The following SMIM35 variants were observed in gnomAD, a reference collection of about 807,000 sequenced individuals.
The protein encoded by SMIM35 is small integral membrane protein 35.
At position 118,013,774 on chromosome 11, in the gene SMIM35, C is replaced by T. The variant is rs941513851; in HGVS notation, c.*7G>A. 2 of 399,072 alleles carry T rather than the reference C, an allele frequency of 5.0e-6. No individual in the cohort carries two copies. Among genetic ancestry groups the T allele is most frequent in the African/African-American group, 4.1e-5 (2 of 48,624 alleles). The allele number at this position is 399,072 out of a possible 1,614,324, so 24.7% of individuals were successfully genotyped here. A position where few individuals can be genotyped will look rare whatever the true frequency, so the allele number is the denominator to read the frequency against. The stretch of plus-strand genomic sequence containing the variant: ...TCCCCAGGGCTTCACAAGTTGCTGT[C>T]TCTGCATCAGACTAGCCCGTTGGAG... On this transcript the variant is annotated 3_prime_UTR_variant, in exon 4 of 5. Coordinates refer to ENST00000689828, the MANE Select transcript of SMIM35 (RefSeq NM_001394165.1).
chr11:118,010,613 ATGGT>A (rs561636844), intron 4 of SMIM35, among the ~76,000 whole-genome samples: 23 of 152,358 alleles, frequency 1.5e-4, no homozygotes, highest in Non-Finnish European at 3.1e-4. Flanking sequence ...TCAGATCAAA[ATGGT>A]TGGTGTCAAG....
chr11:118,013,725 C>T (rs1762089715), intron 4 of SMIM35, 23 bp downstream of exon 4: 1 of 398,864 alleles, frequency 2.5e-6, no homozygotes, highest in Admixed American at 4.4e-5. Flanking sequence ...GCTCACTCGG[C>T]AGCTCTCCCA....
intron 1 of SMIM35, among the ~76,000 whole-genome samples, chr11:118,034,765 G>T (rs561725587): frequency 4.6e-5 from 7 of 152,276 alleles, no homozygotes; most frequent in African/African-American, 1.4e-4. Context: ...GGAAATGGCT[G>T]CTTTCTATAT....
At chr11:118,008,591 T>G (rs1326527970) in intron 4 of SMIM35, among the ~76,000 whole-genome samples, 1 of 152,252 alleles carries the variant, frequency 6.6e-6, no homozygotes, top group Non-Finnish European at 1.5e-5. Flanking sequence ...GTCATCTGTG[T>G]GCTCTCTCTC....
intron 1 of SMIM35, among the ~76,000 whole-genome samples, chr11:118,056,044 G>A (rs1436975572): frequency 6.6e-6 from 1 of 152,076 alleles, no homozygotes; most frequent in Non-Finnish European, 1.5e-5. Flanking sequence ...CTAGGCTGAA[G>A]GTGGACAGGT....
At chr11:118,081,896 G>T (rs1291529221) in intron 1 of SMIM35, among the ~76,000 whole-genome samples, 1 of 152,174 alleles carries the variant, frequency 6.6e-6, no homozygotes, top group East Asian at 1.9e-4. Flanking sequence ...AGGAGCAGGG[G>T]AGACTGCTTT....
At chr11:118,026,079 C>T (rs746566119) in intron 1 of SMIM35, among the ~76,000 whole-genome samples, 1 of 152,104 alleles carries the variant, frequency 6.6e-6, no homozygotes, top group Non-Finnish European at 1.5e-5. Context: ...TTATTGTAGC[C>T]TTTGTCAAAG....
At chr11:118,026,777 G>A (rs1464155997) in intron 1 of SMIM35, among the ~76,000 whole-genome samples, 1 of 152,020 alleles carries the variant, frequency 6.6e-6, no homozygotes, top group Non-Finnish European at 1.5e-5. Flanking sequence ...AGACCAGCCT[G>A]AGCAACACAG....
chr11:118,067,903 A>ATATATATG (rs1555076698), intron 1 of SMIM35, among the ~76,000 whole-genome samples: 1 of 116,778 alleles, frequency 8.6e-6, no homozygotes, highest in Non-Finnish European at 1.8e-5. Flanking sequence ...ATATATATAT[A>ATATATATG]TATGAAAAGT....
In SMIM35 at chr11:118,005,316, C is replaced by T. The variant is rs1212298458; in HGVS notation, c.*1094G>A. 1.3e-5 allele frequency: 2 copies of T among 152,188 alleles called. No individual in the cohort carries two copies. The highest frequency in any genetic ancestry group is 2.1e-4 in the South Asian group (1 of 4,832). 9.4% of individuals were successfully genotyped at this position (152,188 alleles called of 1,614,324 possible). A position where few individuals can be genotyped will look rare whatever the true frequency, so the allele number is the denominator to read the frequency against. Reference sequence around the variant, plus strand: ...CACACTGAGTCACCTCTTTAAGGAACAACTTGTTGATTCGCTGCTTGTTCT... The same window carrying T: ...CACACTGAGTCACCTCTTTAAGGAATAACTTGTTGATTCGCTGCTTGTTCT... On this transcript the variant is annotated 3_prime_UTR_variant, in exon 5 of 5. Coordinates refer to ENST00000689828, the MANE Select transcript of SMIM35 (RefSeq NM_001394165.1).
chr11:118,048,469 C>T (rs1397456425), intron 1 of SMIM35, among the ~76,000 whole-genome samples: 3 of 151,390 alleles, frequency 2.0e-5, no homozygotes, highest in African/African-American at 4.9e-5. Flanking sequence ...GCCTAGATTG[C>T]GCCACTGCAC....
rs927257743 is a variant in SMIM35 at position 118,076,603 on chromosome 11, A to G, written c.7+10148T>C. On this transcript the variant is annotated intron_variant, in intron 1 of 4. Transcript: ENST00000689828. ...CACTAGTACATTGGCTCTGTGCAGG[A>G]CAGCTTCACTTCTGGGATCCAGGGA... Among the ~76,000 whole-genome samples the G allele has an allele frequency of 3.9e-5, 6 of 152,110 alleles. No homozygotes were observed. In the South Asian group the frequency reaches 1.2e-3, roughly 32 times the overall value.
At chr11:118,070,230 G>T (rs1487623609) in intron 1 of SMIM35, among the ~76,000 whole-genome samples, 1 of 152,064 alleles carries the variant, frequency 6.6e-6, no homozygotes, top group Non-Finnish European at 1.5e-5. Flanking sequence ...AGGCTGGAGT[G>T]CAATGGTGCG....
At position 118,015,708 on chromosome 11, in the gene SMIM35, C is replaced by T. The variant is rs921021618; in HGVS notation, c.109G>A (p.Gly37Arg). 8 of 399,184 alleles carry T rather than the reference C, an allele frequency of 2.0e-5. No individual in the cohort carries two copies. The highest frequency in any genetic ancestry group is 1.3e-4 in the Admixed American group (3 of 22,722). 24.7% of individuals were successfully genotyped at this position (399,184 alleles called of 1,614,324 possible). The change falls in exon 2 of 5, where the codon GGG (glycine) becomes AGG (arginine). Residue 37 changes from glycine (G) to arginine (R), a missense_variant. Transcript: ENST00000689828. ...GYSLAKWYQR[G>R]YCWEGPNFVF... ...GCACACTCACCCTCCCAGCAGTACCCGCGCTGGTACCACTTGGCCAGGCTG... is the reference window on the plus strand; with the variant it reads ...GCACACTCACCCTCCCAGCAGTACCTGCGCTGGTACCACTTGGCCAGGCTG...
intron 1 of SMIM35, among the ~76,000 whole-genome samples, chr11:118,018,871 A>G (rs1418927775): frequency 6.6e-6 from 1 of 152,098 alleles, no homozygotes; most frequent in African/African-American, 2.4e-5. Context: ...ATACTTTTAA[A>G]TTTTTATTAT....
chr11:118,043,899 T>C (rs1380674654), intron 1 of SMIM35, among the ~76,000 whole-genome samples: 2 of 145,932 alleles, frequency 1.4e-5, no homozygotes, highest in Non-Finnish European at 3.0e-5. Context: ...AGGGTATGGG[T>C]TTTTTTTTTA....
rs111323426 is a variant in SMIM35 at position 118,013,978 on chromosome 11, G to A, written c.159-98C>T. On this transcript the variant is annotated intron_variant, in intron 3 of 4. Transcript: ENST00000689828. ...CTCCAGGGCACCAACTCACTGACTT[G>A]TCTTCCAGAAAAGGAAGTGGGCCAC... 3.9e-3 allele frequency: 1,537 copies of A among 396,690 alleles called. 28 individuals carry two copies. Among genetic ancestry groups the A allele is most frequent in the African/African-American group, 0.029 (1,401 of 48,676 alleles). 24.6% of individuals were successfully genotyped at this position (396,690 alleles called of 1,614,324 possible). A position where few individuals can be genotyped will look rare whatever the true frequency, so the allele number is the denominator to read the frequency against.
intron 1 of SMIM35, among the ~76,000 whole-genome samples, chr11:118,028,022 G>A (rs1645356393): frequency 1.3e-5 from 2 of 152,206 alleles, no homozygotes; most frequent in South Asian, 4.1e-4. Context: ...GGCAAGATAT[G>A]CATTCAAGAC....
At position 118,013,802 on chromosome 11, in the gene SMIM35, C is replaced by A. The variant is rs897278834; in HGVS notation, c.237G>T (p.Lys79Asn). 22 of 398,964 alleles carry A rather than the reference C, an allele frequency of 5.5e-5. No homozygotes were observed. Among genetic ancestry groups the A allele is most frequent in the Non-Finnish European group, 8.0e-5 (18 of 226,094 alleles). The allele number at this position is 398,964 out of a possible 1,614,324, so 24.7% of individuals were successfully genotyped here. Residue 79 changes from lysine (K) to asparagine (N), a missense_variant, in exon 4 of 5, where the codon AAG becomes AAT. Coordinates refer to ENST00000689828, the MANE Select transcript of SMIM35 (RefSeq NM_001394165.1). ...HISSTDGGYMKFSNGLV is the reference protein window; with the variant it reads ...HISSTDGGYMNFSNGLV ...TGCATCAGACTAGCCCGTTGGAGAACTTCATGTAGCCACCATCTGTGCTGC... is the reference window on the plus strand; with the variant it reads ...TGCATCAGACTAGCCCGTTGGAGAAATTCATGTAGCCACCATCTGTGCTGC...
Sources: gnomAD v4.1 joint callset for allele counts (sites outside exome capture counted in the v4.1 genomes callset) on GRCh38, gnomAD v4.1.1 for gene constraint, MANE v1.5 for transcripts, NCBI Gene and HGNC (gene_info 2026-07-23, HGNC 2026-07-21) for gene names.